ALK: variants seen among roughly 807,000 people sequenced by gnomAD.
The protein encoded by ALK is ALK tyrosine kinase receptor.
A neutral mutation model predicts 163.1 loss-of-function variants in ALK; 74 were observed. The observed-to-expected ratio is 0.45, with a 90% confidence interval of 0.38 to 0.55. The LOEUF is 0.55. Ranked by LOEUF, ALK falls within the 20% of genes least tolerant of loss-of-function variation. The probability of loss-of-function intolerance (pLI) is 0.00; values close to 1 mark genes in which losing one functional copy is unlikely to be tolerated. For missense variants in ALK, 2,063 were observed against 2,105.3 expected (o/e 0.98, Z 0.39); for synonymous variants, 960 against 843.2 (o/e 1.14, Z -2.40).
At chr2:29,494,944 T>C (rs919835855) in intron 4 of ALK, among the ~76,000 whole-genome samples, 2 of 152,126 alleles carry the variant, frequency 1.3e-5, no homozygotes, top group African/African-American at 4.8e-5. Context: ...GACTATTTTG[T>C]TTGTTTCATG....
chr2:29,537,665 G>T (rs1391101659), intron 3 of ALK, among the ~76,000 whole-genome samples: 1 of 152,224 alleles, frequency 6.6e-6, no homozygotes, highest in Non-Finnish European at 1.5e-5. Flanking sequence ...TGGGAAGGGG[G>T]CTGCTGCCTT....
rs189990448 is a variant in ALK at position 29,720,065 on chromosome 2, T to C, written c.668-2368A>G. ...GATGTCATTTTTCTGAACCATTCAG[T>C]TTGGGAATGATATTAACTTCTTCCT... is the stretch of plus-strand genomic sequence containing the variant. On this transcript the variant is annotated intron_variant, in intron 1 of 28. Coordinates refer to ENST00000389048, the MANE Select transcript of ALK (RefSeq NM_004304.5). 6.0e-4 allele frequency among the ~76,000 whole-genome samples: 91 copies of C among 152,138 alleles called. 1 individual carries two copies. Among genetic ancestry groups the C allele is most frequent in the African/African-American group, 1.7e-3 (71 of 41,496 alleles).
At chr2:29,889,857 C>A (rs898636900) in intron 1 of ALK, among the ~76,000 whole-genome samples, 1 of 152,096 alleles carries the variant, frequency 6.6e-6, no homozygotes, top group South Asian at 2.1e-4. Flanking sequence ...CATTTCATCT[C>A]TTTATGACCC....
At chr2:29,706,975 ATGTGTGTGTGTGTGTGTGTGTGTGTGTG>A (rs766564449) in intron 2 of ALK, among the ~76,000 whole-genome samples, 18 of 102,784 alleles carry the variant, frequency 1.8e-4, no homozygotes, top group African/African-American at 5.6e-4. Context: ...CTCATGCAGA[ATGTGTGTGTGTGTGTGTGTGTGTGTGTG>A]TGTGTGTGTG....
intron 1 of ALK, among the ~76,000 whole-genome samples, chr2:29,833,758 G>A (rs1240680937): frequency 2.0e-5 from 3 of 152,196 alleles, no homozygotes; most frequent in Non-Finnish European, 4.4e-5. Flanking sequence ...CAGGATTGGA[G>A]CCCAGGTCTA....
chr2:29,858,041 G>A (rs1428089681), intron 1 of ALK, among the ~76,000 whole-genome samples: 1 of 87,658 alleles, frequency 1.1e-5, no homozygotes, highest in African/African-American at 4.1e-5. Context: ...ACTTGCATTG[G>A]TGTGTATGTG....
chr2:29,718,727 G>A lies in ALK; in HGVS notation c.668-1030C>T, dbSNP rs572648715. Among the ~76,000 whole-genome samples, 8 of 152,338 alleles carry A rather than the reference G, an allele frequency of 5.3e-5. No individual in the cohort carries two copies. The South Asian group carries it at 1.7e-3, about 32-fold the overall frequency. On this transcript the variant is annotated intron_variant, in intron 1 of 28. Coordinates refer to ENST00000389048, the MANE Select transcript of ALK (RefSeq NM_004304.5). The stretch of plus-strand genomic sequence containing the variant: ...CATCAACTGAGACCTAGAGAGGCAA[G>A]TGATGGAAGCAGAAACTGAGCCCAG...
Position 29,251,100 on chromosome 2 carries a change from C to T in ALK, c.2204+5G>A, listed in dbSNP as rs367892725. 7.4e-6 allele frequency: 12 copies of T among 1,613,618 alleles called. No individual in the cohort carries two copies. The highest frequency in any genetic ancestry group is 1.6e-4 in the Middle Eastern group (1 of 6,084). On this transcript the variant is annotated splice_donor_5th_base_variant and intron_variant, in intron 12 of 28. Coordinates refer to ENST00000389048, the MANE Select transcript of ALK (RefSeq NM_004304.5). ...GCCCCTCCCCTCCCCCTCTTCCATACGCACCTGTAGGTGTCGGTGGCTGGC... is the reference window on the plus strand; with the variant it reads ...GCCCCTCCCCTCCCCCTCTTCCATATGCACCTGTAGGTGTCGGTGGCTGGC...
chr2:29,864,874 C>T (rs1666387209), intron 1 of ALK, among the ~76,000 whole-genome samples: 2 of 152,188 alleles, frequency 1.3e-5, no homozygotes, highest in South Asian at 4.1e-4. Context: ...ATGTATAGAA[C>T]TAGCAGTTAG....
intron 3 of ALK, among the ~76,000 whole-genome samples, chr2:29,546,693 G>A (rs1411502975): frequency 2.0e-5 from 3 of 152,166 alleles, no homozygotes; most frequent in African/African-American, 7.2e-5. Flanking sequence ...AGATGTCAAG[G>A]GATAAACATC....
chr2:29,799,999 A>C (rs1664423464), intron 1 of ALK, among the ~76,000 whole-genome samples: 1 of 152,234 alleles, frequency 6.6e-6, no homozygotes, highest in African/African-American at 2.4e-5. Context: ...AATAGGACAA[A>C]GCTCCGGACT....
intron 4 of ALK, among the ~76,000 whole-genome samples, chr2:29,509,091 G>A (rs1672436600): frequency 6.6e-6 from 1 of 152,286 alleles, no homozygotes; most frequent in South Asian, 2.1e-4. Flanking sequence ...AAGACCAGGT[G>A]CCCATGGTCA....
intron 5 of ALK, among the ~76,000 whole-genome samples, chr2:29,358,723 C>T (rs979390645): frequency 3.3e-5 from 5 of 152,186 alleles, no homozygotes; most frequent in African/African-American, 7.2e-5. Flanking sequence ...ACTGTGGTCT[C>T]AGTGAGGGGC....
At chr2:29,824,634 A>T (rs1451230853) in intron 1 of ALK, among the ~76,000 whole-genome samples, 2 of 152,046 alleles carry the variant, frequency 1.3e-5, no homozygotes, top group African/African-American at 4.8e-5. Flanking sequence ...AAACTTGCAC[A>T]GGGCCTGTAG....
intron 5 of ALK, among the ~76,000 whole-genome samples, chr2:29,361,040 G>C (rs1000388087): frequency 5.3e-5 from 8 of 152,238 alleles, no homozygotes; most frequent in South Asian, 2.1e-4. Context: ...AGGCCATGCT[G>C]TCAGAAGTCC....
chr2:29,592,685 G>C (rs1675095036), intron 3 of ALK, among the ~76,000 whole-genome samples: 1 of 152,176 alleles, frequency 6.6e-6, no homozygotes, highest in Non-Finnish European at 1.5e-5. Context: ...ATATGTACTA[G>C]TCCTAACCGC....
rs1553409325 is a variant in ALK at position 29,318,373 on chromosome 2, G to A, written c.1578C>T (p.Val526=). Reference sequence around the variant, plus strand: ...TCACTGTAGCACTTTCAGAAGCGGGGACATCAGTGGTACTGAGCAATAGAG... The same window carrying A: ...TCACTGTAGCACTTTCAGAAGCGGGAACATCAGTGGTACTGAGCAATAGAG... ...DHALLLSTTD[V]PASESATVTS... Residue 526 remains valine, a synonymous_variant, in exon 8 of 29, where the codon GTC becomes GTT. Coordinates refer to ENST00000389048, the MANE Select transcript of ALK (RefSeq NM_004304.5). 6 of 1,613,882 alleles carry A rather than the reference G, an allele frequency of 3.7e-6. No individual in the cohort carries two copies. Among genetic ancestry groups the A allele is most frequent in the Non-Finnish European group, 5.1e-6 (6 of 1,179,818 alleles).
intron 19 of ALK, chr2:29,224,649 A>G (rs987269567): frequency 2.7e-5 from 6 of 224,034 alleles, no homozygotes; most frequent in Admixed American, 5.7e-5. Flanking sequence ...CCTCTATGCA[A>G]TGGACCGACC....
intron 12 of ALK, among the ~76,000 whole-genome samples, chr2:29,245,707 G>T (rs1340767414): frequency 3.7e-5 from 5 of 135,958 alleles, no homozygotes; most frequent in Non-Finnish European, 7.8e-5. Context: ...TCAATGCCCT[G>T]CACACAGCAG....
Sources: allele counts gnomAD v4.1 joint callset (sites outside exome capture counted in the v4.1 genomes callset), GRCh38; gene constraint gnomAD v4.1.1; transcripts MANE v1.5; gene names NCBI Gene and HGNC (gene_info 2026-07-23, HGNC 2026-07-21).